MTERF1: variants seen among roughly 807,000 people sequenced by gnomAD.
MTERF1 encodes transcription termination factor 1, mitochondrial.
MTERF1 carries 29 observed loss-of-function variants against 31.6 expected under a neutral mutation model. The observed-to-expected ratio is 0.92, with a 90% confidence interval of 0.68 to 1.25. The LOEUF is 1.25. Among genes scored for constraint, MTERF1 ranks in the 50% most tolerant of loss-of-function variants. The pLI is 0.00. For synonymous variants in MTERF1, 152 were observed against 164.1 expected, an observed-to-expected ratio of 0.93 and a Z score of 0.57; for missense variants, 500 against 469.1, an observed-to-expected ratio of 1.07 and a Z score of -0.61.
rs1434007750 is a variant in MTERF1 at position 91,872,837 on chromosome 7, T to C, written c.*757A>G. ...GCCTCTGAAAATTACTCTTTAATAT[T>C]AGCTGAAATGCCAACAAAATGCACA... On this transcript the variant is annotated 3_prime_UTR_variant, in exon 3 of 3. Coordinates refer to ENST00000351870, the MANE Select transcript of MTERF1 (RefSeq NM_006980.5). 3.3e-5 allele frequency: 5 copies of C among 152,174 alleles called. No homozygotes were observed. The allele number at this position is 152,174 out of a possible 1,614,324, so 9.4% of individuals were successfully genotyped here. A position where few individuals can be genotyped will look rare whatever the true frequency, so the allele number is the denominator to read the frequency against.
intron 2 of MTERF1, among the ~76,000 whole-genome samples, chr7:91,876,668 A>C (rs1789354112): frequency 6.6e-6 from 1 of 152,246 alleles, no homozygotes; most frequent in Non-Finnish European, 1.5e-5. Flanking sequence ...CTACAGAATC[A>C]AGTAATGTTC....
chr7:91,880,385 T>C (rs1789474233), intron 1 of MTERF1: 1 of 308,522 alleles, frequency 3.2e-6, no homozygotes, highest in South Asian at 5.8e-5. Context: ...CACAACAATT[T>C]AAAAGGTAGG....
chr7:91,879,648 T>A (rs894732067), intron 2 of MTERF1, among the ~76,000 whole-genome samples: 1 of 112,862 alleles, frequency 8.9e-6, no homozygotes, highest in Admixed American at 8.3e-5. Flanking sequence ...CCATGATGCT[T>A]TACTCTTAGC....
In MTERF1 at chr7:91,874,182, G is replaced by A. The variant is rs1789271062; in HGVS notation, c.612C>T (p.Phe204=). The A allele has an allele frequency of 1.2e-6, 2 of 1,614,042 alleles. No homozygotes were observed. The highest frequency in any genetic ancestry group is 1.3e-5 in the African/African-American group (1 of 74,916). The change falls in exon 3 of 3, where the codon TTC becomes TTT. Residue 204 remains phenylalanine, a synonymous_variant. Transcript: ENST00000351870. ...CRLLTNAPRT[F]SNSLDLNKQM... ...GTTTATTCAGATCAAGACTATTGGA[G>A]AAGGTACGAGGGGCATTGGTCAACA...
rs1206305239 is a variant in MTERF1 at position 91,871,282 on chromosome 7, C to T, written c.*2312G>A. On this transcript the variant is annotated 3_prime_UTR_variant, in exon 3 of 3. Coordinates refer to ENST00000351870, the MANE Select transcript of MTERF1 (RefSeq NM_006980.5). The stretch of plus-strand genomic sequence containing the variant: ...CCACATTCTCTCTGGCCACTTGCAA[C>T]TATCGTTGCTATACCATTTCTCATC... 6.6e-6 allele frequency: 1 copy of T among 152,228 alleles called. No homozygotes were observed. Among genetic ancestry groups the T allele is most frequent in the African/African-American group, 2.4e-5 (1 of 41,430 alleles). The allele number at this position is 152,228 out of a possible 1,614,324, so 9.4% of individuals were successfully genotyped here. A position where few individuals can be genotyped will look rare whatever the true frequency, so the allele number is the denominator to read the frequency against.
rs755910818 is a variant in MTERF1, at chr7:91,874,060, A to C, written c.734T>G (p.Leu245Ter). Residue 245 changes from leucine (L) to a stop codon, truncating the protein, a stop_gained, in exon 3 of 3, where the codon TTA becomes TGA. Coordinates refer to ENST00000351870, the MANE Select transcript of MTERF1 (RefSeq NM_006980.5). LOFTEE classifies it high-confidence loss of function. ...RKIIFKNPFI[L>*]IQSTKRVKAN... is the part of the protein sequence containing the mutation. ...TTTCACCCGCTTGGTGCTCTGAATTAAGATAAAAGGGTTTTTAAAAATTAT... is the reference window on the plus strand; with the variant it reads ...TTTCACCCGCTTGGTGCTCTGAATTCAGATAAAAGGGTTTTTAAAAATTAT... 1 of 1,614,132 alleles carries C rather than the reference A, an allele frequency of 6.2e-7. No individual in the cohort carries two copies. The highest frequency in any genetic ancestry group is 1.1e-5 in the South Asian group (1 of 91,086).
intron 2 of MTERF1, among the ~76,000 whole-genome samples, chr7:91,875,508 G>A (rs1789325811): frequency 6.6e-6 from 1 of 152,096 alleles, no homozygotes. Context: ...GCCTGCCTTG[G>A]CCTCCCAAAG....
Position 91,873,947 on chromosome 7 carries a change from C to T in MTERF1, c.847G>A (p.Asp283Asn), listed in dbSNP as rs1393071223. 6.2e-7 allele frequency: 1 copy of T among 1,614,016 alleles called. No homozygotes were observed. Among genetic ancestry groups the T allele is most frequent in the Admixed American group, 1.7e-5 (1 of 59,996 alleles). The change falls in exon 3 of 3, where the codon GAC becomes AAC. Residue 283 changes from aspartate to asparagine, a missense_variant. By Grantham distance (23) the Asp-to-Asn change is conservative. Coordinates refer to ENST00000351870, the MANE Select transcript of MTERF1 (RefSeq NM_006980.5). ...CTTCTGGCATAGTCATTGGAAAGGT[C>T]TAGGATTTCAGCTCCTGGACCACAT... The part of the protein sequence containing the change: ...LICGPGAEIL[D>N]LSNDYARRSY...
At position 91,874,450 on chromosome 7, in the gene MTERF1, C is replaced by T. The variant is rs1789287421; in HGVS notation, c.344G>A (p.Gly115Glu). The T allele has an allele frequency of 1.2e-6, 2 of 1,613,862 alleles. No homozygotes were observed. The highest frequency in any genetic ancestry group is 1.7e-5 in the Admixed American group (1 of 59,992). Residue 115 changes from glycine to glutamate, a missense_variant, in exon 3 of 3, where the codon GGA (glycine) becomes GAA (glutamate). Coordinates refer to ENST00000351870, the MANE Select transcript of MTERF1 (RefSeq NM_006980.5). ...QDLKMFLLSK[G>E]ASKEVIASII... ...GCTAGCGATCACTTCTTTGCTAGCTCCTTTGGAAAGAAGGAACATCTTCAG... is the reference window on the plus strand; with the variant it reads ...GCTAGCGATCACTTCTTTGCTAGCTTCTTTGGAAAGAAGGAACATCTTCAG...
chr7:91,872,217 G>A lies in MTERF1; in HGVS notation c.*1377C>T, dbSNP rs1241864006. ...CAACTCTATATATAAATTGAACTGT[G>A]TTAGACTTTAAATAGGTAAATTGAA... On this transcript the variant is annotated 3_prime_UTR_variant, in exon 3 of 3. Coordinates refer to ENST00000351870, the MANE Select transcript of MTERF1 (RefSeq NM_006980.5). 1 of 152,178 alleles carries A rather than the reference G, an allele frequency of 6.6e-6. No individual in the cohort carries two copies. The highest frequency in any genetic ancestry group is 1.5e-5 in the Non-Finnish European group (1 of 68,034). The allele number at this position is 152,178 out of a possible 1,614,324, so 9.4% of individuals were successfully genotyped here.
chr7:91,876,179 T>C (rs140626871), intron 2 of MTERF1, among the ~76,000 whole-genome samples: 35 of 152,352 alleles, frequency 2.3e-4, no homozygotes, highest in African/African-American at 7.7e-4. Context: ...CATAGGTCCC[T>C]ACTAAAATGA....
chr7:91,879,952 G>C, intron 2 of MTERF1, 103 bp downstream of exon 2: 1 of 1,392,828 alleles, frequency 7.2e-7, no homozygotes, highest in East Asian at 2.3e-5. Flanking sequence ...TAAAAAGGCT[G>C]TTAATGGAAA....
rs1244663501 is a variant in MTERF1 at position 91,873,651 on chromosome 7, T to C, written c.1143A>G (p.Leu381=). The C allele has an allele frequency of 1.4e-5, 23 of 1,613,516 alleles. No individual in the cohort carries two copies. In the Middle Eastern group the frequency reaches 5.0e-4, roughly 35 times the overall value. The stretch of plus-strand genomic sequence containing the variant: ...CTTCATATCTTTTTTTACTCCAAGA[T>C]AGAAGAGTGATGTTTAAAGTACTCA... ...CNLSTLNITL[L]SWSKKRYEAK... Residue 381 remains leucine (L), a synonymous_variant, in exon 3 of 3, where the codon CTA becomes CTG. Coordinates refer to ENST00000351870, the MANE Select transcript of MTERF1 (RefSeq NM_006980.5).
chr7:91,880,110 A>C lies in MTERF1; in HGVS notation c.-27T>G. 6.2e-7 allele frequency: 1 copy of C among 1,613,274 alleles called. No individual in the cohort carries two copies. Among genetic ancestry groups the C allele is most frequent in the Middle Eastern group, 1.7e-4 (1 of 6,058 alleles). On this transcript the variant is annotated 5_prime_UTR_variant, in exon 2 of 3. Coordinates refer to ENST00000351870, the MANE Select transcript of MTERF1 (RefSeq NM_006980.5). ...CCTCCAGAAAGGCTGGAGAACAGCT[A>C]TCTCTGGAAATGACACACACACACA...
At position 91,873,593 on chromosome 7, in the gene MTERF1, CT is replaced by C; in HGVS notation, c.1200del (p.Ter400=). 6.3e-7 allele frequency: 1 copy of C among 1,595,724 alleles called. No individual in the cohort carries two copies. Among genetic ancestry groups the C allele is most frequent in the Non-Finnish European group, 8.5e-7 (1 of 1,172,366 alleles). ...CCTGAGAATTAAAAACATTGGCATC[CT>C]TAGGCAAATCTGCTTAACTTTTTCA... ...AKLKKLSRFA* is the reference protein window; with the variant it reads ...AKLKKLSRFAX On this transcript the variant is annotated frameshift_variant and stop_lost, in exon 3 of 3. Coordinates refer to ENST00000351870, the MANE Select transcript of MTERF1 (RefSeq NM_006980.5). LOFTEE classifies it high-confidence loss of function.
At position 91,880,060 on chromosome 7, in the gene MTERF1, T is replaced by C; in HGVS notation, c.24A>G (p.Gln8=). MQSLSLG[Q]TSISKGLNYL... ...TCTTTACATGCATTTCTCACCTTGT[T>C]TGTCCTAAGGAAAGGCTCTGCATCC... The change falls in exon 2 of 3, where the codon CAA becomes CAG. Residue 8 remains glutamine, a synonymous_variant. Coordinates refer to ENST00000351870, the MANE Select transcript of MTERF1 (RefSeq NM_006980.5). 6.2e-7 allele frequency: 1 copy of C among 1,614,126 alleles called. No individual in the cohort carries two copies. The highest frequency in any genetic ancestry group is 8.5e-7 in the Non-Finnish European group (1 of 1,180,020).
chr7:91,874,420 A>G lies in MTERF1; in HGVS notation c.374T>C (p.Ile125Thr). 1 of 1,614,132 alleles carries G rather than the reference A, an allele frequency of 6.2e-7. No individual in the cohort carries two copies. Residue 125 changes from isoleucine to threonine, a missense_variant, in exon 3 of 3, where the codon ATA becomes ACA. Physicochemically the swap from Ile to Thr is moderately conservative, Grantham distance 89. Transcript: ENST00000351870. Reference sequence around the variant, plus strand: ...TGTTATTGCTCGTGGATATCTTGATATGATGCTAGCGATCACTTCTTTGCT... The same window carrying G: ...TGTTATTGCTCGTGGATATCTTGATGTGATGCTAGCGATCACTTCTTTGCT... Reference protein sequence around the residue: ...GASKEVIASIISRYPRAITRT... With the variant: ...GASKEVIASITSRYPRAITRT...
At chr7:91,879,930 C>T in intron 2 of MTERF1, 125 bp downstream of exon 2, 3 of 1,112,416 alleles carry the variant, frequency 2.7e-6, no homozygotes, top group Admixed American at 2.1e-5. Flanking sequence ...CTCTGCCCCA[C>T]AACTGGCCTG....
In MTERF1 at chr7:91,874,269, G is replaced by C; in HGVS notation, c.525C>G (p.Asn175Lys). Reference protein sequence around the residue: ...ESFFRSNNNLNLENNIKFLYS... With the variant: ...ESFFRSNNNLKLENNIKFLYS... ...AGAGGAACTTTATATTATTCTCTAA[G>C]TTTAGGTTGTTATTGGACCGAAAAA... The change falls in exon 3 of 3, where the codon AAC (asparagine) becomes AAG (lysine). Residue 175 changes from asparagine (N) to lysine (K), a missense_variant. Asn to Lys is a moderately conservative substitution (Grantham distance 94). Transcript: ENST00000351870. The C allele has an allele frequency of 6.2e-7, 1 of 1,613,966 alleles. No individual in the cohort carries two copies. Among genetic ancestry groups the C allele is most frequent in the Non-Finnish European group, 8.5e-7 (1 of 1,179,972 alleles).
Sources: gnomAD v4.1 joint callset for allele counts (sites outside exome capture counted in the v4.1 genomes callset) on GRCh38, gnomAD v4.1.1 for gene constraint, MANE v1.5 for transcripts, NCBI Gene and HGNC (gene_info 2026-07-23, HGNC 2026-07-21) for gene names.